The following RAB39A variants were observed in gnomAD, a reference collection of about 807,000 sequenced individuals.
RAB39A encodes the protein RAB39A, member RAS oncogene family, also known as ras-related protein Rab-39A.
RAB39A carries 17 observed loss-of-function variants against 20.9 expected under a neutral mutation model. The ratio of observed to expected loss-of-function variants is 0.81; its 90% CI spans 0.56 to 1.22. The LOEUF (loss-of-function observed/expected upper bound fraction) is 1.22. Ranked by LOEUF, RAB39A falls within the 50% of genes most tolerant of loss-of-function variation. RAB39A has a pLI of 0.00. For missense variants in RAB39A, 234 were observed against 270.5 expected, an observed-to-expected ratio of 0.87 and a Z score of 0.95; for synonymous variants, 99 against 103.4, an observed-to-expected ratio of 0.96 and a Z score of 0.26.
At chr11:107,941,449 G>C (rs1861257893) in intron 1 of RAB39A, among the ~76,000 whole-genome samples, 1 of 152,070 alleles carries the variant, frequency 6.6e-6, no homozygotes. Flanking sequence ...GATGCTTCTG[G>C]ATGATTTCCT....
rs549480565 is a variant in RAB39A at position 107,962,099 on chromosome 11, T to C, written c.381T>C (p.His127=). Residue 127 remains histidine, a synonymous_variant, in exon 2 of 2, where the codon CAT becomes CAC. Transcript: ENST00000320578. ...PFRIVFLLVG[H]KCDLASQRQV... is the part of the protein sequence containing the mutation. ...GGATTGTATTTCTGCTAGTGGGACATAAATGTGATTTAGCTTCACAACGTC... is the reference window on the plus strand; with the variant it reads ...GGATTGTATTTCTGCTAGTGGGACACAAATGTGATTTAGCTTCACAACGTC... 19 of 1,614,146 alleles carry C rather than the reference T, an allele frequency of 1.2e-5. No individual in the cohort carries two copies. Among genetic ancestry groups the C allele is most frequent in the South Asian group, 8.8e-5 (8 of 91,080 alleles).
chr11:107,955,907 A>G (rs899910064), intron 1 of RAB39A, among the ~76,000 whole-genome samples: 1 of 151,796 alleles, frequency 6.6e-6, no homozygotes, highest in African/African-American at 2.4e-5. Flanking sequence ...TTTTTTTAGT[A>G]GGGGGTATAA....
intron 1 of RAB39A, among the ~76,000 whole-genome samples, chr11:107,938,062 T>A (rs552518740): frequency 6.6e-6 from 1 of 151,880 alleles, no homozygotes; most frequent in Non-Finnish European, 1.5e-5. Flanking sequence ...GAGAGTAAAA[T>A]GGTATATAAG....
At chr11:107,932,712 T>C (rs1445507463) in intron 1 of RAB39A, among the ~76,000 whole-genome samples, 1 of 152,122 alleles carries the variant, frequency 6.6e-6, no homozygotes, top group East Asian at 1.9e-4. Flanking sequence ...TTTATAAATT[T>C]TGGTTTTGTT....
At chr11:107,933,206 T>C (rs1040324716) in intron 1 of RAB39A, among the ~76,000 whole-genome samples, 1 of 151,976 alleles carries the variant, frequency 6.6e-6, no homozygotes, top group Non-Finnish European at 1.5e-5. Context: ...AGGTTTGGCC[T>C]TTTATCTGAC....
chr11:107,951,485 C>A (rs1861378243), intron 1 of RAB39A, among the ~76,000 whole-genome samples: 1 of 152,118 alleles, frequency 6.6e-6, no homozygotes, highest in Non-Finnish European at 1.5e-5. Context: ...AGGGTGGGAA[C>A]ATCTGGTTCA....
Position 107,928,552 on chromosome 11 carries a change from A to T in RAB39A, c.-17A>T. On this transcript the variant is annotated 5_prime_UTR_variant, in exon 1 of 2. Coordinates refer to ENST00000320578, the MANE Select transcript of RAB39A (RefSeq NM_017516.3). The surrounding 1 kb of genome is among the most constrained non-coding windows in gnomAD (Gnocchi z 4.9). ...CCGCGGGTGGGGCGGCCCGGGAGCC[A>T]GCGGGGCACGTGAGCGATGGAGACC... The T allele has an allele frequency of 6.9e-7, 1 of 1,442,742 alleles. No homozygotes were observed. The highest frequency in any genetic ancestry group is 2.5e-5 in the East Asian group (1 of 39,624). 89.4% of individuals were successfully genotyped at this position (1,442,742 alleles called of 1,614,324 possible).
At chr11:107,936,804 T>A (rs1215242454) in intron 1 of RAB39A, among the ~76,000 whole-genome samples, 1 of 152,060 alleles carries the variant, frequency 6.6e-6, no homozygotes, top group African/African-American at 2.4e-5. Flanking sequence ...TGCACACCTA[T>A]AATCCCAGCT....
Position 107,932,319 on chromosome 11 carries a change from T to G in RAB39A, c.227+3524T>G, listed in dbSNP as rs145254576. The stretch of plus-strand genomic sequence containing the variant: ...ATATTAAAGAAATTTAGAATTACAG[T>G]GCCTTCATTAAAGATGAAAGTTTAT... On this transcript the variant is annotated intron_variant, in intron 1 of 1. Coordinates refer to ENST00000320578, the MANE Select transcript of RAB39A (RefSeq NM_017516.3). Among the ~76,000 whole-genome samples, 416 of 152,324 alleles carry G rather than the reference T, an allele frequency of 2.7e-3. 3 individuals carry two copies. Among genetic ancestry groups the G allele is most frequent in the African/African-American group, 9.3e-3 (387 of 41,584 alleles).
intron 1 of RAB39A, among the ~76,000 whole-genome samples, chr11:107,936,111 G>A (rs554766038): frequency 6.6e-6 from 1 of 151,996 alleles, no homozygotes; most frequent in East Asian, 1.9e-4. Flanking sequence ...TGTTGGCCAG[G>A]CTGGTCTCGA....
chr11:107,947,807 CAAA>C (rs35694249), intron 1 of RAB39A, among the ~76,000 whole-genome samples: 2 of 80,220 alleles, frequency 2.5e-5, no homozygotes, highest in African/African-American at 1.0e-4. Flanking sequence ...CATCAACAGG[CAAA>C]AAAAAAAAAA....
chr11:107,949,450 A>G (rs1861352039), intron 1 of RAB39A, among the ~76,000 whole-genome samples: 2 of 152,226 alleles, frequency 1.3e-5, no homozygotes, highest in African/African-American at 2.4e-5. Flanking sequence ...ACATGAAATC[A>G]TACGAAACAA....
Position 107,948,201 on chromosome 11 carries a change from A to G in RAB39A, c.228-13745A>G, listed in dbSNP as rs572523197. On this transcript the variant is annotated intron_variant, in intron 1 of 1. Coordinates refer to ENST00000320578, the MANE Select transcript of RAB39A (RefSeq NM_017516.3). ...CCTCAGGAAGATGAAATTGACAGAA[A>G]AGCTAATGGAAATAAACGTCTTACA... 1.3e-4 allele frequency among the ~76,000 whole-genome samples: 20 copies of G among 152,302 alleles called. No homozygotes were observed. In the South Asian group the frequency reaches 3.9e-3, roughly 30 times the overall value.
chr11:107,954,362 C>A (rs1861412465), intron 1 of RAB39A, among the ~76,000 whole-genome samples: 1 of 152,092 alleles, frequency 6.6e-6, no homozygotes, highest in Admixed American at 6.6e-5. Context: ...CTTTCGGTGG[C>A]CATTCACATA....
chr11:107,930,548 A>T (rs1360740505), intron 1 of RAB39A, among the ~76,000 whole-genome samples: 1 of 152,186 alleles, frequency 6.6e-6, no homozygotes, highest in East Asian at 1.9e-4. Flanking sequence ...TATTGTGTTT[A>T]ATTAGTTCCT....
In RAB39A at chr11:107,934,094, C is replaced by T. The variant is rs568954576; in HGVS notation, c.227+5299C>T. 1.6e-4 allele frequency among the ~76,000 whole-genome samples: 24 copies of T among 152,152 alleles called. No individual in the cohort carries two copies. In the South Asian group the frequency reaches 5.0e-3, roughly 32 times the overall value. ...AAGAAACCTGTTTAACTTTGATTAA[C>T]CTAGTATTTCCCAATTTATTTTAGG... On this transcript the variant is annotated intron_variant, in intron 1 of 1. Transcript: ENST00000320578.
chr11:107,929,448 A>T (rs1181309487), intron 1 of RAB39A, among the ~76,000 whole-genome samples: 3 of 152,050 alleles, frequency 2.0e-5, no homozygotes, highest in African/African-American at 7.3e-5. Context: ...CTTGTAGGTT[A>T]ACTAGATGCA....
At chr11:107,932,746 C>T (rs986120237) in intron 1 of RAB39A, among the ~76,000 whole-genome samples, 1 of 152,154 alleles carries the variant, frequency 6.6e-6, no homozygotes, top group East Asian at 1.9e-4. Context: ...CAATCTCGCT[C>T]TCTCATCCAG....
intron 1 of RAB39A, among the ~76,000 whole-genome samples, chr11:107,957,014 A>C (rs752821296): frequency 6.6e-6 from 1 of 152,226 alleles, no homozygotes; most frequent in Non-Finnish European, 1.5e-5. Context: ...AGGCTGGCAG[A>C]CTGTGAGGTT....
Sources: gnomAD v4.1 joint callset for allele counts (sites outside exome capture counted in the v4.1 genomes callset) on GRCh38, gnomAD v4.1.1 for gene constraint, Gnocchi (gnomAD v3.1) non-coding constraint, MANE v1.5 for transcripts, NCBI Gene and HGNC (gene_info 2026-07-23, HGNC 2026-07-21) for gene names.